The following POC1A variants were observed in gnomAD, a reference collection of about 807,000 sequenced individuals.
The protein encoded by POC1A is POC1 centriolar protein homolog A.
Under a neutral mutation model 47.8 loss-of-function variants are expected in POC1A, and 34 were observed. That is an observed-to-expected ratio of 0.71 (90% confidence interval 0.54 to 0.95). The LOEUF (loss-of-function observed/expected upper bound fraction) is 0.95. POC1A is among the 40% of genes least tolerant of loss of function. The pLI is 0.00. For synonymous variants in POC1A, 177 were observed against 207.6 expected, an observed-to-expected ratio of 0.85 and a Z score of 1.27; for missense variants, 466 against 528.3, an observed-to-expected ratio of 0.88 and a Z score of 1.16.
chr3:52,136,762 T>C (rs1288306935), intron 7 of POC1A, among the ~76,000 whole-genome samples: 5 of 152,166 alleles, frequency 3.3e-5, no homozygotes, highest in East Asian at 1.9e-4. Context: ...GAGAGAACAA[T>C]GTCAATAGCT....
intron 7 of POC1A, among the ~76,000 whole-genome samples, chr3:52,129,142 G>A (rs899716976): frequency 5.9e-5 from 9 of 152,100 alleles, no homozygotes; most frequent in South Asian, 4.2e-4. Flanking sequence ...AGCCAGGGGC[G>A]GTGGCACACA....
chr3:52,144,226 T>A (rs561518535), intron 6 of POC1A, among the ~76,000 whole-genome samples: 6 of 152,250 alleles, frequency 3.9e-5, no homozygotes, highest in African/African-American at 1.4e-4. Flanking sequence ...CCTGCCCACG[T>A]TCCCCAGGCA....
At chr3:52,147,921 C>T (rs1435227397) in intron 4 of POC1A, among the ~76,000 whole-genome samples, 1 of 151,830 alleles carries the variant, frequency 6.6e-6, no homozygotes, top group African/African-American at 2.4e-5. Flanking sequence ...AAGAGAAATT[C>T]TTCCTGACTT....
rs965127742 is a variant in POC1A at position 52,149,406 on chromosome 3, C to G, written c.276-17G>C. ...TCACCTTTGCTACAAGGACAGGCAT[C>G]CAAGAGTAAGGAAACCCATAACAGT... On this transcript the variant is annotated splice_polypyrimidine_tract_variant and intron_variant, in intron 3 of 10. Coordinates refer to ENST00000296484, the MANE Select transcript of POC1A (RefSeq NM_015426.5). 3 of 1,612,100 alleles carry G rather than the reference C, an allele frequency of 1.9e-6. No individual in the cohort carries two copies. The highest frequency in any genetic ancestry group is 2.5e-6 in the Non-Finnish European group (3 of 1,178,426).
chr3:52,085,178 C>G (rs1702417898), intron 10 of POC1A, among the ~76,000 whole-genome samples: 1 of 152,160 alleles, frequency 6.6e-6, no homozygotes, highest in Admixed American at 6.5e-5. Context: ...CAGGGGCAGC[C>G]ACATCAGGGC....
chr3:52,149,957 A>T lies in POC1A; in HGVS notation c.134T>A (p.Val45Asp). 1.2e-6 allele frequency: 2 copies of T among 1,613,700 alleles called. No individual in the cohort carries two copies. Among genetic ancestry groups the T allele is most frequent in the African/African-American group, 2.7e-5 (2 of 75,064 alleles). The change falls in exon 3 of 11, where the codon GTC becomes GAC. Residue 45 changes from valine (V) to aspartate (D), a missense_variant. Coordinates refer to ENST00000296484, the MANE Select transcript of POC1A (RefSeq NM_015426.5). ...ASGSMDSCLM[V>D]WHMKPQSRAY... is the part of the protein sequence containing the mutation. ...GCGTGACTGCGGCTTCATGTGCCAGACCATGAGGCATGAGTCCATGGAGCC... is the reference window on the plus strand; with the variant it reads ...GCGTGACTGCGGCTTCATGTGCCAGTCCATGAGGCATGAGTCCATGGAGCC...
At position 52,122,388 on chromosome 3, in the gene POC1A, C is replaced by T. The variant is rs1289690139; in HGVS notation, c.972G>A (p.Met324Ile). The change falls in exon 9 of 11, where the codon ATG becomes ATA. Residue 324 changes from methionine (M) to isoleucine (I), a missense_variant. Coordinates refer to ENST00000296484, the MANE Select transcript of POC1A (RefSeq NM_015426.5). ...CTGCCAAGCCACTTACCAGATTCCC[C>T]ATGGAGCTGGCCAGTGTGGCTGGGG... ...PRPPATLASS[M>I]GNLPEVDFPV... 6.3e-7 allele frequency: 1 copy of T among 1,598,148 alleles called. No homozygotes were observed. Among genetic ancestry groups the T allele is most frequent in the Non-Finnish European group, 8.6e-7 (1 of 1,165,454 alleles).
intron 9 of POC1A, among the ~76,000 whole-genome samples, chr3:52,113,463 TAGGCCA>T (rs1383586436): frequency 6.6e-6 from 1 of 152,138 alleles, no homozygotes; most frequent in Non-Finnish European, 1.5e-5. Context: ...AGCATTTTGG[TAGGCCA>T]AGGTGGGTGG....
At chr3:52,112,138 G>A (rs1390545752) in intron 9 of POC1A, among the ~76,000 whole-genome samples, 2 of 152,200 alleles carry the variant, frequency 1.3e-5, no homozygotes, top group East Asian at 3.8e-4. Flanking sequence ...CCACGGGGCA[G>A]CACTGGACTT....
intron 10 of POC1A, among the ~76,000 whole-genome samples, chr3:52,086,483 A>C (rs1480861443): frequency 6.6e-6 from 1 of 152,230 alleles, no homozygotes; most frequent in Non-Finnish European, 1.5e-5. Flanking sequence ...TATCAAAACA[A>C]AGCAGGGCTG....
At chr3:52,108,452 T>C (rs1703264320) in intron 9 of POC1A, among the ~76,000 whole-genome samples, 1 of 152,156 alleles carries the variant, frequency 6.6e-6, no homozygotes, top group Admixed American at 6.5e-5. Flanking sequence ...TGAAGACAGC[T>C]CATTGTAACT....
intron 9 of POC1A, among the ~76,000 whole-genome samples, chr3:52,097,032 C>A (rs1402837728): frequency 6.6e-6 from 1 of 152,234 alleles, no homozygotes; most frequent in African/African-American, 2.4e-5. Flanking sequence ...GGGAAGCTAG[C>A]TGCCTCCCAT....
At chr3:52,127,416 A>G (rs1271185995) in intron 7 of POC1A, among the ~76,000 whole-genome samples, 1 of 150,100 alleles carries the variant, frequency 6.7e-6, no homozygotes, top group Non-Finnish European at 1.5e-5. Context: ...TTTGAGGCAG[A>G]GTCTCGCTCT....
intron 9 of POC1A, among the ~76,000 whole-genome samples, chr3:52,118,426 T>C (rs970131891): frequency 2.6e-5 from 4 of 152,244 alleles, no homozygotes. Context: ...GCTGTGAATT[T>C]CAACCAGAGG....
intron 10 of POC1A, among the ~76,000 whole-genome samples, chr3:52,092,225 T>C (rs1702665859): frequency 6.6e-6 from 1 of 152,228 alleles, no homozygotes; most frequent in African/African-American, 2.4e-5. Flanking sequence ...GTCTGCTCTT[T>C]GGCTGGTGAC....
intron 9 of POC1A, among the ~76,000 whole-genome samples, chr3:52,105,499 A>C (rs1200482950): frequency 6.6e-6 from 1 of 152,200 alleles, no homozygotes; most frequent in Non-Finnish European, 1.5e-5. Flanking sequence ...CAGGGAACAC[A>C]CCGAGCTCAC....
intron 9 of POC1A, among the ~76,000 whole-genome samples, chr3:52,097,538 G>A (rs1702862941): frequency 6.6e-6 from 1 of 152,240 alleles, no homozygotes; most frequent in Non-Finnish European, 1.5e-5. Context: ...TGGAGCCAAG[G>A]ATGTCCAAGG....
chr3:52,101,039 T>C (rs1185558118), intron 9 of POC1A, among the ~76,000 whole-genome samples: 3 of 147,290 alleles, frequency 2.0e-5, no homozygotes, highest in Non-Finnish European at 3.0e-5. Context: ...AGACAGAGTC[T>C]GCTTAAGACT....
intron 7 of POC1A, among the ~76,000 whole-genome samples, chr3:52,137,359 A>C (rs961160694): frequency 3.9e-5 from 6 of 152,184 alleles, no homozygotes; most frequent in Non-Finnish European, 8.8e-5. Context: ...CTGATAGTCC[A>C]AGACACATAA....
Sources: allele counts gnomAD v4.1 joint callset (sites outside exome capture counted in the v4.1 genomes callset), GRCh38; gene constraint gnomAD v4.1.1; transcripts MANE v1.5; gene names NCBI Gene and HGNC (gene_info 2026-07-23, HGNC 2026-07-21).